Variants in DMD observed in about 807,000 individuals in gnomAD.
DMD encodes the protein mutant dystrophin.
DMD carries 63 observed loss-of-function variants against 330.1 expected under a neutral mutation model. The ratio of observed to expected loss-of-function variants is 0.19; its 90% CI spans 0.16 to 0.24. The LOEUF (loss-of-function observed/expected upper bound fraction) is 0.24. Among genes scored for constraint, DMD ranks in the 10% least tolerant of loss-of-function variants. DMD has a pLI of 1.00. For missense variants in DMD, 3,344 were observed against 2,684.1 expected, an observed-to-expected ratio of 1.25 and a Z score of -5.43; for synonymous variants, 1,223 against 959.8, an observed-to-expected ratio of 1.27 and a Z score of -5.07.
chrX:32,480,465 C>T (rs184321893), intron 21 of DMD, among the ~76,000 whole-genome samples: 4 of 100,478 alleles, frequency 4.0e-5, no homozygotes, highest in East Asian at 2.9e-4. Flanking sequence ...TATGTGTCTA[C>T]GTGTGTACAT....
At chrX:31,131,478 C>G (rs1365314826) in intron 77 of DMD, among the ~76,000 whole-genome samples, 2 of 111,275 alleles carry the variant, frequency 1.8e-5, no homozygotes, top group Non-Finnish European at 1.9e-5. Context: ...TATTTTATAT[C>G]TTTACCCCAG....
intron 26 of DMD, among the ~76,000 whole-genome samples, chrX:32,450,726 C>T (rs752606013): frequency 1.2e-4 from 13 of 110,683 alleles, no homozygotes; most frequent in Non-Finnish European, 2.3e-4. Flanking sequence ...GTTCCATGAG[C>T]TGAAGAAGGA....
At chrX:32,923,253 A>C (rs983457761) in intron 2 of DMD, among the ~76,000 whole-genome samples, 2 of 111,860 alleles carry the variant, frequency 1.8e-5, no homozygotes, top group African/African-American at 6.5e-5. Flanking sequence ...GATGAGGTTA[A>C]GATAAAGTAA....
At chrX:33,116,233 G>A (rs767288198) in intron 1 of DMD, among the ~76,000 whole-genome samples, 8 of 110,344 alleles carry the variant, frequency 7.3e-5, no homozygotes, top group African/African-American at 2.6e-4. Context: ...AGGGCTGGCC[G>A]GGCACAGTGG....
intron 62 of DMD, among the ~76,000 whole-genome samples, chrX:31,296,111 G>T (rs1400456688): frequency 9.1e-6 from 1 of 110,074 alleles, no homozygotes; most frequent in Non-Finnish European, 1.9e-5. Context: ...TTCCTGAGGT[G>T]TTAAACATTG....
intron 17 of DMD, among the ~76,000 whole-genome samples, chrX:32,534,225 C>G (rs1402773863): frequency 8.9e-6 from 1 of 111,987 alleles, no homozygotes; most frequent in Non-Finnish European, 1.9e-5. Flanking sequence ...CAGCCTTCTT[C>G]CTGGCTTGTA....
chrX:32,062,866 G>A (rs2096235905), intron 44 of DMD, among the ~76,000 whole-genome samples: 1 of 109,744 alleles, frequency 9.1e-6, no homozygotes, highest in Non-Finnish European at 1.9e-5. Context: ...GAAACTGAAT[G>A]TAGAGTTGGA....
chrX:32,121,178 C>T (rs187900972), intron 44 of DMD, among the ~76,000 whole-genome samples: 11 of 111,574 alleles, frequency 9.9e-5, no homozygotes, highest in Admixed American at 6.7e-4. Context: ...ATGGTAGATA[C>T]GTGCAATGCA....
chrX:32,135,400 A>G (rs1355680927), intron 44 of DMD, among the ~76,000 whole-genome samples: 3 of 112,682 alleles, frequency 2.7e-5, no homozygotes, highest in African/African-American at 9.7e-5. Context: ...TAAGTTGTTT[A>G]TTTTTATTGA....
chrX:31,683,390 C>A (rs1380195428), intron 52 of DMD, among the ~76,000 whole-genome samples: 1 of 112,036 alleles, frequency 8.9e-6, no homozygotes, highest in Non-Finnish European at 1.9e-5. Context: ...CCAAAGAATG[C>A]AGAGTGAGCA....
intron 25 of DMD, among the ~76,000 whole-genome samples, chrX:32,456,060 AAAC>A (rs1380049194): frequency 9.6e-6 from 1 of 103,970 alleles, no homozygotes; most frequent in African/African-American, 3.4e-5. Context: ...TCTCTGGTTG[AAAC>A]AACATTATAC....
At position 31,515,913 on chromosome X, in the gene DMD, T is replaced by C. The variant is rs961778272; in HGVS notation, c.8218-8460A>G. Among the ~76,000 whole-genome samples, 7 of 112,422 alleles carry C rather than the reference T, an allele frequency of 6.2e-5. No homozygotes were observed. The East Asian group carries it at 1.7e-3, about 27-fold the overall frequency. ...AAATGACCAAATGACTGTTATTTGA[T>C]ACAGTTGTTTTGAAAAGGTGTTAAT... On this transcript the variant is annotated intron_variant, in intron 55 of 78. Transcript: ENST00000357033.
chrX:32,736,286 G>C (rs1192938530), intron 7 of DMD, among the ~76,000 whole-genome samples: 1 of 111,225 alleles, frequency 9.0e-6, no homozygotes, highest in Non-Finnish European at 1.9e-5. Context: ...GAGAGGATGT[G>C]GAGAAATAGG....
chrX:31,808,693 G>GC (rs1556908307), intron 50 of DMD, among the ~76,000 whole-genome samples: 1 of 110,621 alleles, frequency 9.0e-6, no homozygotes, highest in Non-Finnish European at 1.9e-5. Flanking sequence ...TCCTGACCTT[G>GC]AAAAAAAAGC....
chrX:32,498,466 A>G (rs2043718501), intron 19 of DMD, among the ~76,000 whole-genome samples: 1 of 110,341 alleles, frequency 9.1e-6, no homozygotes, highest in African/African-American at 3.3e-5. Context: ...TTTTTAGTCT[A>G]TGATCGTGAA....
At chrX:31,305,170 A>G (rs1013323270) in intron 62 of DMD, among the ~76,000 whole-genome samples, 2 of 111,826 alleles carry the variant, frequency 1.8e-5, no homozygotes, top group Non-Finnish European at 3.8e-5. Flanking sequence ...ATGGGATACG[A>G]TGTGATGTTT....
intron 11 of DMD, among the ~76,000 whole-genome samples, chrX:32,618,085 A>G (rs1235957852): frequency 8.9e-6 from 1 of 112,189 alleles, no homozygotes; most frequent in Non-Finnish European, 1.9e-5. Flanking sequence ...AATTATTTCA[A>G]CTATTGTTGA....
rs1303151001 is a variant in DMD, at chrX:33,111,202, C to G, written c.32-91002G>C. 2.7e-5 allele frequency among the ~76,000 whole-genome samples: 3 copies of G among 111,590 alleles called. No individual in the cohort carries two copies. In the Admixed American group the frequency reaches 2.9e-4, roughly 11 times the overall value. Reference sequence around the variant, plus strand: ...AACCTCTACAGAAACTCAGCAGTCCCTACAACACATCCTTGAAGAATGAGA... The same window carrying G: ...AACCTCTACAGAAACTCAGCAGTCCGTACAACACATCCTTGAAGAATGAGA... On this transcript the variant is annotated intron_variant, in intron 1 of 78. Transcript: ENST00000357033.
intron 52 of DMD, among the ~76,000 whole-genome samples, chrX:31,713,040 T>C (rs1051827522): frequency 1.8e-5 from 2 of 111,318 alleles, no homozygotes; most frequent in African/African-American, 3.3e-5. Flanking sequence ...TAGTCTTCTC[T>C]ACCATTCACC....
Sources: gnomAD v4.1 joint callset for allele counts (sites outside exome capture counted in the v4.1 genomes callset) on GRCh38, gnomAD v4.1.1 for gene constraint, MANE v1.5 for transcripts, NCBI Gene and HGNC (gene_info 2026-07-23, HGNC 2026-07-21) for gene names.